Variants in ZNF880 observed in about 807,000 individuals in gnomAD.
ZNF880 encodes the protein zinc finger protein 880.
A neutral mutation model predicts 11.8 loss-of-function variants in ZNF880; 12 were observed. That is an observed-to-expected ratio of 1.02 (90% CI 0.65 to 1.65). The LOEUF (loss-of-function observed/expected upper bound fraction) is 1.65. Ranked by LOEUF, ZNF880 falls within the 40% of genes most tolerant of loss-of-function variation. The pLI, the probability that ZNF880 is intolerant of heterozygous loss-of-function variation, is 0.00. For synonymous variants in ZNF880, 210 were observed against 232.4 expected, an observed-to-expected ratio of 0.90 and a Z score of 0.88; for missense variants, 601 against 673.9, an observed-to-expected ratio of 0.89 and a Z score of 1.20.
At chr19:52,393,393 T>C in the ZNF880 span, among the ~76,000 whole-genome samples, 3 of 146,904 alleles carry the variant, frequency 2.0e-5, no homozygotes, top group East Asian at 4.1e-4. Flanking sequence ...TAGTTTTGAA[T>C]GGAAATTTTC....
chr19:52,390,296 C>A, downstream of ZNF880: 1 of 380,946 alleles, frequency 2.6e-6, no homozygotes, highest in Non-Finnish European at 5.4e-6. Context: ...GCTCCGCTCC[C>A]TCGTCAGCTC....
downstream of ZNF880, chr19:52,389,952 C>A (rs1269300417): frequency 1.3e-5 from 2 of 152,302 alleles, no homozygotes; most frequent in African/African-American, 4.8e-5. Flanking sequence ...CTGTTCCAGC[C>A]TTTGCCTGTT....
upstream of ZNF880, chr19:52,367,843 A>T (rs1425119489): frequency 6.6e-6 from 1 of 152,074 alleles, no homozygotes; most frequent in Non-Finnish European, 1.5e-5. Context: ...CTTCATTTTC[A>T]TGCAGCAAAA....
chr19:52,385,067 A>C lies in ZNF880; in HGVS notation c.1487A>C (p.Glu496Ala). The C allele has an allele frequency of 6.4e-7, 1 of 1,565,058 alleles. No individual in the cohort carries two copies. The highest frequency in any genetic ancestry group is 8.7e-7 in the Non-Finnish European group (1 of 1,154,610). Residue 496 changes from glutamate (E) to alanine (A), a missense_variant, in exon 4 of 4, where the codon GAA becomes GCA. This residue lies in a region of ZNF880 where 177 missense variants were observed against 214.5 expected (regional missense o/e 0.83). Transcript: ENST00000422689. ...HTGEKPYKCS[E>A]CHKVFSHNSH... is the part of the protein sequence containing the mutation. ...GGAGAGAAACCTTACAAATGCAGTG[A>C]ATGTCACAAAGTCTTTAGTCACAAT...
At chr19:52,381,780 T>G (rs985161703) in intron 3 of ZNF880, among the ~76,000 whole-genome samples, 13 of 152,144 alleles carry the variant, frequency 8.5e-5, no homozygotes, top group African/African-American at 3.1e-4. Flanking sequence ...TTGCAGCTAC[T>G]TCAAATACTG....
At chr19:52,393,126 A>G in the ZNF880 span, among the ~76,000 whole-genome samples, 16 of 149,962 alleles carry the variant, frequency 1.1e-4, no homozygotes, top group South Asian at 6.3e-4. Context: ...AGGCTGGAGT[A>G]CAGTGGCGCA....
At chr19:52,376,529 A>G (rs1600248345) in intron 3 of ZNF880, among the ~76,000 whole-genome samples, 3 of 15,820 alleles carry the variant, frequency 1.9e-4, no homozygotes, top group African/African-American at 2.4e-4. Context: ...TTTTTTTTTG[A>G]GACAGCGTCT....
chr19:52,378,645 CAAAAA>C (rs3070397), intron 3 of ZNF880, among the ~76,000 whole-genome samples: 2 of 85,178 alleles, frequency 2.3e-5, no homozygotes, highest in Admixed American at 1.3e-4. Context: ...GACTCTGTCT[CAAAAA>C]AAAAAAAAAA....
intron 3 of ZNF880, among the ~76,000 whole-genome samples, chr19:52,377,747 G>T (rs1381562420): frequency 6.6e-6 from 1 of 152,192 alleles, no homozygotes; most frequent in Non-Finnish European, 1.5e-5. Context: ...GATTCACAGG[G>T]GGAGGCACGT....
Position 52,385,214 on chromosome 19 carries a change from A to G in ZNF880, c.1634A>G (p.Glu545Gly). 1 of 1,552,166 alleles carries G rather than the reference A, an allele frequency of 6.4e-7. No individual in the cohort carries two copies. Among genetic ancestry groups the G allele is most frequent in the Non-Finnish European group, 8.7e-7 (1 of 1,147,298 alleles). Residue 545 changes from glutamate (E) to glycine (G), a missense_variant, in exon 4 of 4, where the codon GAG becomes GGG. Glu to Gly is a moderately conservative substitution (Grantham distance 98). This residue lies in a region of ZNF880 where 177 missense variants were observed against 214.5 expected (regional missense o/e 0.83). Transcript: ENST00000422689. ...LKKHERIHTG[E>G]KPYRCHECGK... ...AAACATGAGAGAATTCATACTGGGG[A>G]GAAACCGTACAGATGTCATGAATGT...
downstream of ZNF880, among the ~76,000 whole-genome samples, chr19:52,387,754 T>C (rs1986924616): frequency 3.5e-5 from 5 of 141,730 alleles, 1 homozygote; most frequent in Admixed American, 3.5e-4. Context: ...TGGCGACAAA[T>C]ACTATTAAAT....
the ZNF880 span, chr19:52,396,574 C>T: frequency 6.6e-6 from 1 of 152,178 alleles, no homozygotes; most frequent in African/African-American, 2.4e-5. Context: ...AATGGGCCTG[C>T]TTGTGGGCCT....
Position 52,374,355 on chromosome 19 carries a change from C to A in ZNF880, c.196C>A (p.Arg66=), listed in dbSNP as rs763197895. 1 of 1,613,540 alleles carries A rather than the reference C, an allele frequency of 6.2e-7. No individual in the cohort carries two copies. Among genetic ancestry groups the A allele is most frequent in the Non-Finnish European group, 8.5e-7 (1 of 1,179,840 alleles). Residue 66 remains arginine (R), a synonymous_variant, in exon 3 of 4, where the codon CGG becomes AGG. Transcript: ENST00000422689. ...CATGTTGGAGCAAAGGAGAGATCCC[C>A]GGAATCTGCAGAGTGAAGTGAAAAT... ...ISMLEQRRDP[R]NLQSEVKIAN... is the part of the protein sequence containing the mutation.
chr19:52,395,311 C>T, the ZNF880 span, among the ~76,000 whole-genome samples: 1 of 152,156 alleles, frequency 6.6e-6, no homozygotes. Context: ...CTCATCCCAA[C>T]CTCTAGGGGA....
chr19:52,393,256 A>T, the ZNF880 span, among the ~76,000 whole-genome samples: 302 of 151,700 alleles, frequency 2.0e-3, no homozygotes, highest in Non-Finnish European at 3.8e-3. Context: ...TATTTTTAGT[A>T]GAGAGAGGGT....
chr19:52,379,738 C>T (rs968874241), intron 3 of ZNF880: 1 of 185,844 alleles, frequency 5.4e-6, no homozygotes, highest in Non-Finnish European at 1.1e-5. Flanking sequence ...GTCACTGTAC[C>T]CGGCTCTGAT....
At chr19:52,383,784 C>G in intron 3 of ZNF880, 65 bp from the exon 4 acceptor site, 1 of 1,453,106 alleles carries the variant, frequency 6.9e-7, no homozygotes, top group African/African-American at 1.4e-5. Context: ...AATCTAGTCT[C>G]TCTGTCAGAC....
At chr19:52,373,669 A>ATTCTTTT (rs1986461292) in intron 2 of ZNF880, among the ~76,000 whole-genome samples, 17 of 102,556 alleles carry the variant, frequency 1.7e-4, no homozygotes, top group African/African-American at 6.5e-4. Context: ...AAATACTGTA[A>ATTCTTTT]TTTTTTTTTT....
rs552915448 is a variant in ZNF880, at chr19:52,384,013, C to A, written c.433C>A (p.Pro145Thr). The change falls in exon 4 of 4, where the codon CCA (proline) becomes ACA (threonine). Residue 145 changes from proline (P) to threonine (T), a missense_variant. Coordinates refer to ENST00000422689, the MANE Select transcript of ZNF880 (RefSeq NM_001145434.2). ...ACCTATCAACAATTCCTTAGTTTCA[C>A]CACTTCAAAAAATTTATTCTAGTGT... Reference protein sequence around the residue: ...EKPINNSLVSPLQKIYSSVKS... With the variant: ...EKPINNSLVSTLQKIYSSVKS... 3 of 1,553,764 alleles carry A rather than the reference C, an allele frequency of 1.9e-6. No individual in the cohort carries two copies. The highest frequency in any genetic ancestry group is 2.6e-6 in the Non-Finnish European group (3 of 1,148,242).
Sources: gnomAD v4.1 joint callset for allele counts (sites outside exome capture counted in the v4.1 genomes callset) on GRCh38, gnomAD v4.1.1 for gene constraint, gnomAD v4.1.1 regional missense constraint, MANE v1.5 for transcripts, NCBI Gene and HGNC (gene_info 2026-07-23, HGNC 2026-07-21) for gene names.